ST8SIA1: variants seen among roughly 807,000 people sequenced by gnomAD.
ST8SIA1 encodes ST8 alpha-N-acetyl-neuraminide alpha-2,8-sialyltransferase 1.
Under a neutral mutation model 35.9 loss-of-function variants are expected in ST8SIA1, and 16 were observed. The observed-to-expected ratio is 0.45, with a 90% CI of 0.30 to 0.68. ST8SIA1 has a LOEUF of 0.68. ST8SIA1 is among the 30% of genes least tolerant of loss of function. ST8SIA1 has a pLI of 0.09. For synonymous variants in ST8SIA1, 170 were observed against 169.6 expected, an observed-to-expected ratio of 1.00 and a Z score of -0.02; for missense variants, 383 against 453.6, an observed-to-expected ratio of 0.84 and a Z score of 1.41.
intron 4 of ST8SIA1, among the ~76,000 whole-genome samples, chr12:22,218,334 T>C (rs1865257099): frequency 7.1e-6 from 1 of 139,966 alleles, no homozygotes; most frequent in Admixed American, 7.2e-5. Context: ...AAAAATAAAA[T>C]AGACCAGGCA....
intron 1 of ST8SIA1, among the ~76,000 whole-genome samples, chr12:22,321,042 GAAAGAA>G (rs1866593544): frequency 2.0e-5 from 1 of 49,084 alleles, no homozygotes; most frequent in South Asian, 7.9e-4. Flanking sequence ...AAGAGAAAGA[GAAAGAA>G]AAGAAAAGGA....
At chr12:22,309,186 G>A (rs896851254) in intron 1 of ST8SIA1, among the ~76,000 whole-genome samples, 4 of 152,094 alleles carry the variant, frequency 2.6e-5, no homozygotes, top group South Asian at 2.1e-4. Context: ...TGGCCATGAC[G>A]AGGGATAGGA....
In ST8SIA1 at chr12:22,195,188, C is replaced by CA. The variant is rs1193617871; in HGVS notation, c.*6363dup. 0.07 allele frequency: 3,578 copies of CA among 50,982 alleles called. 124 individuals are homozygous for CA. Among genetic ancestry groups the CA allele is most frequent in the African/African-American group, 0.14 (2,045 of 14,418 alleles). The allele number at this position is 50,982 out of a possible 1,614,324, so 3.2% of individuals were successfully genotyped here. On this transcript the variant is annotated 3_prime_UTR_variant, in exon 5 of 5. Transcript: ENST00000396037. ...ACAAGAGCAAAAAACTCTGTCTCAA[C>CA]AAAAAAAAAAAAAAAAAAAAAAAAG...
intron 4 of ST8SIA1, among the ~76,000 whole-genome samples, chr12:22,234,239 G>C (rs1465436786): frequency 6.9e-6 from 1 of 144,192 alleles, no homozygotes; most frequent in Non-Finnish European, 1.5e-5. Context: ...CAGCCTGAGT[G>C]ACAGATCAAA....
At chr12:22,231,300 G>A (rs1035338659) in intron 4 of ST8SIA1, among the ~76,000 whole-genome samples, 5 of 151,370 alleles carry the variant, frequency 3.3e-5, no homozygotes, top group African/African-American at 1.2e-4. Context: ...ACTGTTCCAC[G>A]ATCACCACCC....
At chr12:22,291,970 A>C (rs1312956921) in intron 1 of ST8SIA1, among the ~76,000 whole-genome samples, 3 of 152,212 alleles carry the variant, frequency 2.0e-5, no homozygotes, top group Non-Finnish European at 2.9e-5. Flanking sequence ...ATTTTAAATA[A>C]TATAAAGCAG....
In ST8SIA1 at chr12:22,334,468, C is replaced by T. The variant is rs954987793; in HGVS notation, c.-236G>A. On this transcript the variant is annotated 5_prime_UTR_variant, in exon 1 of 5. In the 5' UTR this introduces an upstream ATG that the reference lacks. Transcript: ENST00000396037. ...GGGGAAGTGGCTGGGGGTGAAGTCA[C>T]GATCTATGGCCATGGTCGCTTCCCC... The T allele has an allele frequency of 3.2e-5, 18 of 570,700 alleles. No homozygotes were observed. Among genetic ancestry groups the T allele is most frequent in the African/African-American group, 2.6e-4 (14 of 53,174 alleles). The allele number at this position is 570,700 out of a possible 1,614,324, so 35.4% of individuals were successfully genotyped here.
rs2135842183 is a variant in ST8SIA1, at chr12:22,322,231, T to C, written c.236+11766A>G. Among the ~76,000 whole-genome samples the C allele has an allele frequency of 2.0e-5, 3 of 152,256 alleles. 1 individual carries two copies. In the South Asian group the frequency reaches 6.2e-4, roughly 32 times the overall value. The stretch of plus-strand genomic sequence containing the variant: ...AAACCTGTGTTTGTTTTTCCTCCCA[T>C]ATAAAGAAGTGGAGAGACTGGAGAA... On this transcript the variant is annotated intron_variant, in intron 1 of 4. Transcript: ENST00000396037.
intron 2 of ST8SIA1, among the ~76,000 whole-genome samples, chr12:22,271,441 G>A (rs1312135599): frequency 1.3e-5 from 2 of 152,148 alleles, no homozygotes; most frequent in Non-Finnish European, 2.9e-5. Flanking sequence ...AGGTCATGGA[G>A]AATAAAATGG....
intron 4 of ST8SIA1, among the ~76,000 whole-genome samples, chr12:22,218,651 G>C (rs1396780465): frequency 8.4e-5 from 3 of 35,892 alleles, no homozygotes. Flanking sequence ...AAAGTAGCCA[G>C]GCCTGGTGGC....
intron 1 of ST8SIA1, among the ~76,000 whole-genome samples, chr12:22,322,511 C>A (rs1433381820): frequency 6.6e-6 from 1 of 152,188 alleles, no homozygotes; most frequent in Non-Finnish European, 1.5e-5. Flanking sequence ...CAGCTGTCTA[C>A]CAGCCTTTCA....
intron 1 of ST8SIA1, among the ~76,000 whole-genome samples, chr12:22,328,711 GGAA>G (rs1866714981): frequency 6.6e-6 from 1 of 152,284 alleles, no homozygotes. Flanking sequence ...GCCTGGGAAG[GGAA>G]GAAGGAGTAA....
At chr12:22,323,155 A>T (rs1866625079) in intron 1 of ST8SIA1, among the ~76,000 whole-genome samples, 1 of 152,222 alleles carries the variant, frequency 6.6e-6, no homozygotes, top group African/African-American at 2.4e-5. Context: ...GGTCTCTGCA[A>T]TCCCAAATGA....
At position 22,199,106 on chromosome 12, in the gene ST8SIA1, G is replaced by C. The variant is rs1865022136; in HGVS notation, c.*2446C>G. 1 of 151,512 alleles carries C rather than the reference G, an allele frequency of 6.6e-6. No individual in the cohort carries two copies. Among genetic ancestry groups the C allele is most frequent in the Non-Finnish European group, 1.5e-5 (1 of 67,932 alleles). 9.4% of individuals were successfully genotyped at this position (151,512 alleles called of 1,614,324 possible). On this transcript the variant is annotated 3_prime_UTR_variant, in exon 5 of 5. Transcript: ENST00000396037. ...AATCTACTGCATAAATCTATCCCAGGCATCATAAAAAGATGAAAAATTTCC... is the reference window on the plus strand; with the variant it reads ...AATCTACTGCATAAATCTATCCCAGCCATCATAAAAAGATGAAAAATTTCC...
chr12:22,260,717 C>T (rs1229053314), intron 2 of ST8SIA1, among the ~76,000 whole-genome samples: 2 of 152,070 alleles, frequency 1.3e-5, no homozygotes, highest in African/African-American at 2.4e-5. Context: ...TTATCAGTAA[C>T]CTCTGAAGTC....
chr12:22,264,402 G>A (rs74365724), intron 2 of ST8SIA1, among the ~76,000 whole-genome samples: 1,775 of 152,200 alleles, frequency 0.012, 12 homozygotes, highest in Non-Finnish European at 0.019. Context: ...TCCCACAAGC[G>A]AATTCCTAGC....
At chr12:22,331,954 G>GT (rs1311113806) in intron 1 of ST8SIA1, among the ~76,000 whole-genome samples, 1 of 152,182 alleles carries the variant, frequency 6.6e-6, no homozygotes, top group African/African-American at 2.4e-5. Flanking sequence ...CTTGGCATCA[G>GT]TTTTTATTAA....
chr12:22,242,625 A>T (rs1440928751), intron 4 of ST8SIA1, among the ~76,000 whole-genome samples: 1 of 152,214 alleles, frequency 6.6e-6, no homozygotes, highest in Non-Finnish European at 1.5e-5. Flanking sequence ...CAATATAGCC[A>T]TGTAACAAAA....
intron 1 of ST8SIA1, 114 bp downstream of exon 1, chr12:22,333,883 G>A (rs1866803937): frequency 4.3e-6 from 4 of 930,166 alleles, no homozygotes; most frequent in South Asian, 3.9e-5. Context: ...TGGAAGAGCG[G>A]ATGAAAGGGA....
Sources: gnomAD v4.1 joint callset for allele counts (sites outside exome capture counted in the v4.1 genomes callset) on GRCh38, gnomAD v4.1.1 for gene constraint, MANE v1.5 for transcripts, NCBI Gene and HGNC (gene_info 2026-07-23, HGNC 2026-07-21) for gene names.